The following SLC35F6 variants were observed in gnomAD, a reference collection of about 807,000 sequenced individuals.
The protein encoded by SLC35F6 is solute carrier family 35 member F6, also known as ANT2-binding protein.
SLC35F6 carries 26 observed loss-of-function variants against 29.4 expected under a neutral mutation model. The ratio of observed to expected loss-of-function variants is 0.89; its 90% CI spans 0.65 to 1.23. The LOEUF (loss-of-function observed/expected upper bound fraction) is 1.23, where lower values mean the gene tolerates loss of function less well. Among genes scored for constraint, SLC35F6 ranks in the 50% most tolerant of loss-of-function variants. The probability of loss-of-function intolerance (pLI) is 0.00; values close to 1 mark genes in which losing one functional copy is unlikely to be tolerated. For synonymous variants in SLC35F6, 174 were observed against 206.6 expected (o/e 0.84, Z 1.35); for missense variants, 428 against 487.8 (o/e 0.88, Z 1.15).
At chr2:26,768,722 T>C (rs1357098885) in intron 1 of SLC35F6, among the ~76,000 whole-genome samples, 1 of 149,090 alleles carries the variant, frequency 6.7e-6, no homozygotes, top group African/African-American at 2.5e-5. Context: ...AATGGTGCCA[T>C]CTAGGCTCAC....
intron 1 of SLC35F6, among the ~76,000 whole-genome samples, chr2:26,767,022 A>T (rs1161443409): frequency 6.6e-6 from 1 of 152,184 alleles, no homozygotes; most frequent in Non-Finnish European, 1.5e-5. Context: ...ACAATTTACA[A>T]AGGAGGCCTC....
rs1391150430 is a variant in SLC35F6, at chr2:26,764,307, G to T, written c.-43G>T. ...TCGCGCAGGAGACCCCGGGTGACGG[G>T]GCCCGGCGCCGCTAACTGGAGCGAA... On this transcript the variant is annotated 5_prime_UTR_variant, in exon 1 of 6. Transcript: ENST00000344420. 1.3e-6 allele frequency: 2 copies of T among 1,545,884 alleles called. No homozygotes were observed. The highest frequency in any genetic ancestry group is 1.7e-6 in the Non-Finnish European group (2 of 1,144,804).
At chr2:26,772,557 G>A (rs1333912327) in intron 1 of SLC35F6, among the ~76,000 whole-genome samples, 3 of 152,190 alleles carry the variant, frequency 2.0e-5, no homozygotes, top group Non-Finnish European at 4.4e-5. Context: ...GTGTCAACAT[G>A]AGGGAGGGCC....
chr2:26,774,386 C>A, intron 2 of SLC35F6, 63 bp downstream of exon 2: 1 of 1,580,400 alleles, frequency 6.3e-7, no homozygotes, highest in Non-Finnish European at 8.7e-7. Flanking sequence ...CCACCCCCGG[C>A]CATGAGGCCA....
At chr2:26,765,654 T>TCCCTTC (rs1181585538) in intron 1 of SLC35F6, among the ~76,000 whole-genome samples, 4 of 152,224 alleles carry the variant, frequency 2.6e-5, no homozygotes, top group African/African-American at 9.6e-5. Context: ...CACAGTGTTC[T>TCCCTTC]CCCTTCCCCA....
intron 1 of SLC35F6, chr2:26,764,745 C>T: frequency 1.0e-6 from 1 of 969,960 alleles, no homozygotes; most frequent in Non-Finnish European, 1.2e-6. Context: ...GAGCACCTCC[C>T]TCCACGAGCT....
In SLC35F6 at chr2:26,778,527, T is replaced by A; in HGVS notation, c.*16T>A. ...TGCCAGCTGAGGTTCCCTGGAGGCT[T>A]CTACTGCCACCCGGGTGCTCCTTCT... On this transcript the variant is annotated 3_prime_UTR_variant, in exon 6 of 6. Transcript: ENST00000344420. 1 of 1,567,688 alleles carries A rather than the reference T, an allele frequency of 6.4e-7. No homozygotes were observed. Among genetic ancestry groups the A allele is most frequent in the Admixed American group, 1.8e-5 (1 of 54,934 alleles).
chr2:26,775,301 T>G lies in SLC35F6; in HGVS notation c.322+86T>G. ...GTGAAACAGCCCTATCCCACCCACC[T>G]CCACTTCATCCCACCATTCCCCCAG... is the stretch of plus-strand genomic sequence containing the variant. On this transcript the variant is annotated intron_variant, in intron 3 of 5. Coordinates refer to ENST00000344420, the MANE Select transcript of SLC35F6 (RefSeq NM_017877.4). This position sits in a 1 kb window ranked among gnomAD's most constrained non-coding sequence, Gnocchi z 4.6. 6.5e-7 allele frequency: 1 copy of G among 1,540,254 alleles called. No homozygotes were observed. The highest frequency in any genetic ancestry group is 8.8e-7 in the Non-Finnish European group (1 of 1,140,206).
intron 1 of SLC35F6, among the ~76,000 whole-genome samples, chr2:26,771,299 T>C (rs530608159): frequency 3.3e-5 from 5 of 152,356 alleles, no homozygotes; most frequent in African/African-American, 1.2e-4. Flanking sequence ...TCAGCTTCCA[T>C]ACCTGCCCCC....
chr2:26,765,240 A>G (rs2148053512), intron 1 of SLC35F6, among the ~76,000 whole-genome samples: 1 of 152,332 alleles, frequency 6.6e-6, no homozygotes, highest in Middle Eastern at 3.4e-3. Flanking sequence ...AGAAACAAGG[A>G]TCACTCCAGG....
chr2:26,767,605 C>G (rs536528622), intron 1 of SLC35F6, among the ~76,000 whole-genome samples: 1 of 152,186 alleles, frequency 6.6e-6, no homozygotes, highest in Non-Finnish European at 1.5e-5. Flanking sequence ...CACCTTCTGT[C>G]GATCATCTTC....
chr2:26,773,427 C>T (rs1358504129), intron 1 of SLC35F6, among the ~76,000 whole-genome samples: 5 of 147,206 alleles, frequency 3.4e-5, no homozygotes, highest in African/African-American at 7.6e-5. Flanking sequence ...GGCGTGAACC[C>T]GGGAGACGGA....
chr2:26,770,546 C>T (rs1209326843), intron 1 of SLC35F6, among the ~76,000 whole-genome samples: 1 of 151,956 alleles, frequency 6.6e-6, no homozygotes, highest in Non-Finnish European at 1.5e-5. Context: ...GGTGAAACTC[C>T]GTCTCTACAA....
At chr2:26,767,627 C>T (rs1664119356) in intron 1 of SLC35F6, among the ~76,000 whole-genome samples, 2 of 152,190 alleles carry the variant, frequency 1.3e-5, no homozygotes, top group South Asian at 4.1e-4. Flanking sequence ...TTAGGCCAAG[C>T]CATTTCTGTC....
chr2:26,771,908 C>T lies in SLC35F6; in HGVS notation c.78-2343C>T, dbSNP rs113089824. Reference sequence around the variant, plus strand: ...CCCAGACTCCCTGTTCCATAGCAGGCGCTTTCTTTGCCCCACTGGTACTGG... The same window carrying T: ...CCCAGACTCCCTGTTCCATAGCAGGTGCTTTCTTTGCCCCACTGGTACTGG... On this transcript the variant is annotated intron_variant, in intron 1 of 5. Transcript: ENST00000344420. Among the ~76,000 whole-genome samples the T allele has an allele frequency of 2.1e-3, 315 of 152,302 alleles. 2 individuals are homozygous for T. The highest frequency in any genetic ancestry group is 7.4e-3 in the African/African-American group (307 of 41,572).
rs1385842818 is a variant in SLC35F6, at chr2:26,774,328, C to G, written c.150+5C>G. On this transcript the variant is annotated splice_donor_5th_base_variant and intron_variant, in intron 2 of 5. Transcript: ENST00000344420. ...TTCCAGCATCCCTTCCTCCAGGTAT[C>G]TGGCCCTGTCCCTCCTACCTCCTGT... 1.9e-6 allele frequency: 3 copies of G among 1,613,836 alleles called. No homozygotes were observed. Among genetic ancestry groups the G allele is most frequent in the Non-Finnish European group, 2.5e-6 (3 of 1,179,902 alleles).
Position 26,776,396 on chromosome 2 carries a change from A to G in SLC35F6, c.560A>G (p.Gln187Arg). Residue 187 changes from glutamine (Q) to arginine (R), a missense_variant, in exon 5 of 6, where the codon CAG becomes CGG. Physicochemically the swap from Gln to Arg is conservative, Grantham distance 43 (BLOSUM62 1). Coordinates refer to ENST00000344420, the MANE Select transcript of SLC35F6 (RefSeq NM_017877.4). ...ITGDLLIIMA[Q>R]IIVAIQMVLE... Reference sequence around the variant, plus strand: ...GGGGACCTGTTGATCATCATGGCCCAGATCATCGTTGCCATCCAGATGGTG... The same window carrying G: ...GGGGACCTGTTGATCATCATGGCCCGGATCATCGTTGCCATCCAGATGGTG... 1 of 1,614,192 alleles carries G rather than the reference A, an allele frequency of 6.2e-7. No individual in the cohort carries two copies. Among genetic ancestry groups the G allele is most frequent in the Non-Finnish European group, 8.5e-7 (1 of 1,180,028 alleles).
rs1272247830 is a variant in SLC35F6 at position 26,775,468 on chromosome 2, G to A, written c.327G>A (p.Leu109=). The A allele has an allele frequency of 3.1e-6, 5 of 1,612,506 alleles. No individual in the cohort carries two copies. The highest frequency in any genetic ancestry group is 3.3e-5 in the Admixed American group (2 of 59,942). Reference sequence around the variant, plus strand: ...AATTTGTTTCTCCTTTCCTAGCTCTGAACATGACCAGTGCCTCCAGCTTCC... The same window carrying A: ...AATTTGTTTCTCCTTTCCTAGCTCTAAACATGACCAGTGCCTCCAGCTTCC... ...MTGTSLMYVA[L]NMTSASSFQM... Residue 109 remains leucine, a synonymous_variant, in exon 4 of 6, where the codon CTG becomes CTA. Coordinates refer to ENST00000344420, the MANE Select transcript of SLC35F6 (RefSeq NM_017877.4). The surrounding 1 kb of genome is among the most constrained non-coding windows in gnomAD (Gnocchi z 4.6).
chr2:26,772,684 T>C (rs139231976), intron 1 of SLC35F6, among the ~76,000 whole-genome samples: 107 of 152,258 alleles, frequency 7.0e-4, no homozygotes, highest in African/African-American at 2.5e-3. Flanking sequence ...AGGCTGGAGC[T>C]GTTTAGCCAG....
Sources: allele counts gnomAD v4.1 joint callset (sites outside exome capture counted in the v4.1 genomes callset), GRCh38; gene constraint gnomAD v4.1.1; non-coding constraint Gnocchi (gnomAD v3.1); transcripts MANE v1.5; gene names NCBI Gene and HGNC (gene_info 2026-07-23, HGNC 2026-07-21).